The following DACH2 variants were observed in gnomAD, a reference collection of about 807,000 sequenced individuals.
The protein encoded by DACH2 is dachshund homolog 2.
In DACH2, 17 loss-of-function variants were observed where a neutral mutation model predicts 35.8. The ratio of observed to expected loss-of-function variants is 0.48; its 90% confidence interval spans 0.33 to 0.71. DACH2 has a LOEUF of 0.71. DACH2 is among the 30% of genes least tolerant of loss of function. The probability of loss-of-function intolerance (pLI) is 0.02; values close to 1 mark genes in which losing one functional copy is unlikely to be tolerated. For synonymous variants in DACH2, 195 were observed against 177.3 expected, an observed-to-expected ratio of 1.10 and a Z score of -0.79; for missense variants, 469 against 472.7, an observed-to-expected ratio of 0.99 and a Z score of 0.07.
At chrX:86,777,464 G>T (rs924093536) in intron 7 of DACH2, among the ~76,000 whole-genome samples, 3 of 111,156 alleles carry the variant, frequency 2.7e-5, no homozygotes, top group African/African-American at 9.8e-5. Flanking sequence ...ACCAAATTTT[G>T]AAAATTTATT....
At chrX:86,433,790 G>A (rs2037023145) in intron 2 of DACH2, among the ~76,000 whole-genome samples, 1 of 111,659 alleles carries the variant, frequency 9.0e-6, no homozygotes, top group Non-Finnish European at 1.9e-5. Context: ...ATTTCTTCAT[G>A]TTGGCAGATT....
At chrX:86,342,343 T>TA (rs979742427) in intron 1 of DACH2, among the ~76,000 whole-genome samples, 16 of 109,174 alleles carry the variant, frequency 1.5e-4, no homozygotes, top group African/African-American at 4.7e-4. Context: ...TACAAAAAAA[T>TA]AAAAAAAATT....
intron 1 of DACH2, among the ~76,000 whole-genome samples, chrX:86,317,631 C>G (rs1050512337): frequency 8.9e-6 from 1 of 112,219 alleles, no homozygotes; most frequent in African/African-American, 3.2e-5. Context: ...TAGTCTTATA[C>G]TTGTCCTGAT....
At position 86,647,014 on chromosome X, in the gene DACH2, A is replaced by T. The variant is rs183869598; in HGVS notation, c.641-4022A>T. 3.5e-3 allele frequency among the ~76,000 whole-genome samples: 386 copies of T among 109,921 alleles called. 2 individuals are homozygous for T. The highest frequency in any genetic ancestry group is 0.012 in the African/African-American group (369 of 30,529). On this transcript the variant is annotated intron_variant, in intron 3 of 11. Coordinates refer to ENST00000373125, the MANE Select transcript of DACH2 (RefSeq NM_053281.3). The stretch of plus-strand genomic sequence containing the variant: ...TGTTAATAGGACTATTATTTTTAAA[A>T]ATATATATAAGAAATATTGGTGAAA...
chrX:86,440,960 C>A (rs1159346719), intron 2 of DACH2, among the ~76,000 whole-genome samples: 1 of 110,858 alleles, frequency 9.0e-6, no homozygotes, highest in Non-Finnish European at 1.9e-5. Context: ...AATGTTGTAC[C>A]TGTTGACCAA....
intron 6 of DACH2, among the ~76,000 whole-genome samples, chrX:86,721,691 C>A (rs1011262611): frequency 9.0e-6 from 1 of 111,471 alleles, no homozygotes; most frequent in African/African-American, 3.3e-5. Flanking sequence ...GCCGCACTAT[C>A]TCCATACAAT....
intron 3 of DACH2, among the ~76,000 whole-genome samples, chrX:86,556,777 T>G (rs2039128394): frequency 1.6e-5 from 1 of 63,771 alleles, no homozygotes. Flanking sequence ...TATATATATA[T>G]ATATATATAT....
At chrX:86,442,277 T>TA (rs1258379451) in intron 2 of DACH2, among the ~76,000 whole-genome samples, 4 of 101,385 alleles carry the variant, frequency 3.9e-5, no homozygotes, top group African/African-American at 1.5e-4. Flanking sequence ...CATTTTTTTT[T>TA]ACCTGCCTGT....
chrX:86,358,340 C>T (rs768390823), intron 1 of DACH2, among the ~76,000 whole-genome samples: 8 of 110,018 alleles, frequency 7.3e-5, no homozygotes, highest in Non-Finnish European at 1.5e-4. Context: ...TTTGCTTAAA[C>T]GGGCTTGTTC....
rs1385553411 is a variant in DACH2, at chrX:86,719,732, C to G, written c.1104+5012C>G. Among the ~76,000 whole-genome samples the G allele has an allele frequency of 2.8e-5, 3 of 108,939 alleles. No homozygotes were observed. In the Admixed American group the frequency reaches 3.0e-4, roughly 11 times the overall value. The allele number at this position is 108,939 out of a possible 115,157, so 94.6% of individuals were successfully genotyped here. On this transcript the variant is annotated intron_variant, in intron 6 of 11. Transcript: ENST00000373125. Reference sequence around the variant, plus strand: ...TTCACAATAACAGCATGGAGGAAACCACTCCCATGATTCAATTACCTCTAC... The same window carrying G: ...TTCACAATAACAGCATGGAGGAAACGACTCCCATGATTCAATTACCTCTAC...
At chrX:86,156,770 T>C (rs919260329) in intron 1 of DACH2, among the ~76,000 whole-genome samples, 1 of 111,586 alleles carries the variant, frequency 9.0e-6, no homozygotes, top group African/African-American at 3.2e-5. Flanking sequence ...CTTGTGATCC[T>C]GTTTTCAAAC....
chrX:86,250,361 G>T (rs757007547), intron 1 of DACH2, among the ~76,000 whole-genome samples: 22 of 111,024 alleles, frequency 2.0e-4, no homozygotes, highest in African/African-American at 7.2e-4. Context: ...CACTGGCAGG[G>T]TATATTTGAG....
intron 1 of DACH2, chrX:86,184,208 T>A: frequency 5.9e-6 from 1 of 170,888 alleles, no homozygotes; most frequent in Non-Finnish European, 1.1e-5. Context: ...TTTCTAGTCT[T>A]CTGATTTTTT....
chrX:86,359,724 T>C (rs910495046), intron 1 of DACH2, among the ~76,000 whole-genome samples: 1 of 107,326 alleles, frequency 9.3e-6, no homozygotes, highest in Admixed American at 1.0e-4. Context: ...ACTCCAGCCT[T>C]GTGACAGTGC....
intron 1 of DACH2, among the ~76,000 whole-genome samples, chrX:86,322,397 G>C (rs2035031232): frequency 1.8e-5 from 2 of 110,888 alleles, no homozygotes; most frequent in Admixed American, 9.5e-5. Context: ...GCATCCCTTA[G>C]TCTCCTTGTT....
intron 11 of DACH2, among the ~76,000 whole-genome samples, chrX:86,823,487 C>T (rs1393825980): frequency 1.0e-5 from 1 of 96,478 alleles, no homozygotes; most frequent in Non-Finnish European, 2.2e-5. Context: ...GATCCACATA[C>T]TTCAGCTGGA....
rs140325140 is a variant in DACH2, at chrX:86,260,508, C to T, written c.488+111400C>T. Among the ~76,000 whole-genome samples, 361 of 111,975 alleles carry T rather than the reference C, an allele frequency of 3.2e-3. 1 individual carries two copies. The highest frequency in any genetic ancestry group is 4.4e-3 in the Non-Finnish European group (234 of 53,140). On this transcript the variant is annotated intron_variant, in intron 1 of 11. Transcript: ENST00000373125. ...TACTTTTTCAAGCCACTAGAGTTAG[C>T]AATTACTGCAAGAAGCAGAATTTTT...
intron 3 of DACH2, among the ~76,000 whole-genome samples, chrX:86,533,748 A>G (rs181475348): frequency 8.9e-6 from 1 of 111,774 alleles, no homozygotes; most frequent in Non-Finnish European, 1.9e-5. Flanking sequence ...AAGTTGACCA[A>G]TGATTATCAA....
intron 3 of DACH2, among the ~76,000 whole-genome samples, chrX:86,555,565 A>G (rs746483067): frequency 9.0e-6 from 1 of 111,606 alleles, no homozygotes; most frequent in Non-Finnish European, 1.9e-5. Flanking sequence ...CAAAACTGTT[A>G]GTTTTGGGTA....
Sources: gnomAD v4.1 joint callset for allele counts (sites outside exome capture counted in the v4.1 genomes callset) on GRCh38, gnomAD v4.1.1 for gene constraint, MANE v1.5 for transcripts, NCBI Gene and HGNC (gene_info 2026-07-23, HGNC 2026-07-21) for gene names.